ANAPC10: variants seen among roughly 807,000 people sequenced by gnomAD.
The protein encoded by ANAPC10 is anaphase-promoting complex subunit 10.
ANAPC10 carries 12 observed loss-of-function variants against 22.0 expected under a neutral mutation model. That is an observed-to-expected ratio of 0.55 (90% CI 0.35 to 0.88). ANAPC10 has a LOEUF of 0.88. ANAPC10 is among the 40% of genes least tolerant of loss of function. The pLI is 0.01. For synonymous variants in ANAPC10, 65 were observed against 69.5 expected (o/e 0.94, Z 0.32); for missense variants, 188 against 220.9 (o/e 0.85, Z 0.94).
At chr4:145,035,166 C>T (rs1387874210) in intron 4 of ANAPC10, 3 of 152,224 alleles carry the variant, frequency 2.0e-5, no homozygotes, top group African/African-American at 7.2e-5. Flanking sequence ...ACATCTGTCA[C>T]CCCACTAATC....
intron 4 of ANAPC10, among the ~76,000 whole-genome samples, chr4:145,045,656 TATGA>T (rs1721910104): frequency 6.6e-6 from 1 of 152,042 alleles, no homozygotes; most frequent in African/African-American, 2.4e-5. Context: ...CTCTCACATA[TATGA>T]ATGTATACGT....
At chr4:145,041,897 T>C (rs1463972153) in intron 4 of ANAPC10, among the ~76,000 whole-genome samples, 4 of 152,138 alleles carry the variant, frequency 2.6e-5, no homozygotes, top group Non-Finnish European at 5.9e-5. Flanking sequence ...AAACCTGAAA[T>C]TATATCTTTA....
At chr4:145,076,480 T>G (rs781302207) in intron 3 of ANAPC10, among the ~76,000 whole-genome samples, 5 of 152,158 alleles carry the variant, frequency 3.3e-5, no homozygotes, top group Non-Finnish European at 5.9e-5. Flanking sequence ...TAAAGGAACA[T>G]TTTCCCACAC....
intron 4 of ANAPC10, among the ~76,000 whole-genome samples, chr4:145,048,985 A>G (rs1193392984): frequency 6.6e-6 from 1 of 152,244 alleles, no homozygotes; most frequent in African/African-American, 2.4e-5. Flanking sequence ...CCACAGCAAT[A>G]AAGTGAGTAT....
chr4:145,069,076 C>T (rs1471402685), intron 3 of ANAPC10, among the ~76,000 whole-genome samples: 3 of 152,150 alleles, frequency 2.0e-5, no homozygotes, highest in Non-Finnish European at 1.5e-5. Context: ...ACAAGAAAGT[C>T]CGAGACATCT....
intron 2 of ANAPC10, among the ~76,000 whole-genome samples, chr4:145,084,063 T>C (rs1481926358): frequency 6.6e-6 from 1 of 152,082 alleles, no homozygotes; most frequent in Non-Finnish European, 1.5e-5. Flanking sequence ...CATGACCTGC[T>C]GGGTTTATGC....
intron 4 of ANAPC10, among the ~76,000 whole-genome samples, chr4:145,048,535 CAT>C (rs944751096): frequency 1.6e-4 from 24 of 152,196 alleles, no homozygotes; most frequent in Admixed American, 7.2e-4. Context: ...TACTTAATCA[CAT>C]GTGTCGATTT....
intron 4 of ANAPC10, among the ~76,000 whole-genome samples, chr4:145,063,611 TTAATG>T (rs1743229674): frequency 6.6e-6 from 1 of 152,154 alleles, no homozygotes; most frequent in Non-Finnish European, 1.5e-5. Flanking sequence ...TTATTTGGGC[TTAATG>T]ATTTTCTGAC....
intron 4 of ANAPC10, among the ~76,000 whole-genome samples, chr4:145,052,836 C>A (rs146437098): frequency 1.3e-5 from 2 of 148,214 alleles, no homozygotes; most frequent in African/African-American, 5.0e-5. Context: ...TGCAGTGAGC[C>A]GAGATTGCAC....
intron 4 of ANAPC10, among the ~76,000 whole-genome samples, chr4:145,031,970 T>C (rs1737653787): frequency 1.3e-5 from 2 of 152,146 alleles, no homozygotes; most frequent in Non-Finnish European, 2.9e-5. Flanking sequence ...CAAATGGAAG[T>C]GGTATATACG....
intron 3 of ANAPC10, among the ~76,000 whole-genome samples, chr4:145,068,694 A>T (rs971072414): frequency 2.6e-5 from 4 of 152,110 alleles, no homozygotes; most frequent in African/African-American, 9.7e-5. Flanking sequence ...GGCAGATCAC[A>T]AGGCCAAGAG....
chr4:145,077,590 T>C (rs190475409), intron 3 of ANAPC10, among the ~76,000 whole-genome samples: 47 of 152,208 alleles, frequency 3.1e-4, no homozygotes, highest in African/African-American at 9.9e-4. Flanking sequence ...CAGGCCAATA[T>C]TCTTGATGAA....
intron 4 of ANAPC10, among the ~76,000 whole-genome samples, chr4:145,038,073 G>A (rs1189813848): frequency 1.3e-5 from 2 of 152,028 alleles, no homozygotes; most frequent in Non-Finnish European, 2.9e-5. Context: ...GGTGGTTCAC[G>A]CCTGTAATCT....
intron 2 of ANAPC10, among the ~76,000 whole-genome samples, chr4:145,082,947 G>A (rs1475182709): frequency 2.0e-5 from 3 of 152,074 alleles, no homozygotes; most frequent in East Asian, 1.9e-4. Flanking sequence ...TCCAAATATA[G>A]TTAATGTTTT....
intron 2 of ANAPC10, among the ~76,000 whole-genome samples, chr4:145,082,330 G>A (rs1746180028): frequency 6.6e-6 from 1 of 151,984 alleles, no homozygotes; most frequent in South Asian, 2.1e-4. Flanking sequence ...CATATTTTTA[G>A]TAGAGAAGGC....
rs62343154 is a variant in ANAPC10 at position 145,066,497 on chromosome 4, G to A, written c.207-1805C>T. Among the ~76,000 whole-genome samples, 9 of 151,594 alleles carry A rather than the reference G, an allele frequency of 5.9e-5. No homozygotes were observed. The East Asian group carries it at 1.7e-3, about 29-fold the overall frequency. On this transcript the variant is annotated intron_variant, in intron 3 of 4. Transcript: ENST00000507656. ...CTCTTAAGAACTTTTTTTTTTTAAG[G>A]AAGAAAAGAAAGGCAGATCTAAAGG...
intron 4 of ANAPC10, among the ~76,000 whole-genome samples, chr4:145,039,116 TAC>T (rs543556257): frequency 3.9e-4 from 56 of 141,906 alleles, no homozygotes; most frequent in African/African-American, 1.4e-3. Context: ...CATCACTTTC[TAC>T]AGAGAAAAAT....
At chr4:144,999,914 C>G (rs1393512751) in intron 4 of ANAPC10, among the ~76,000 whole-genome samples, 1 of 152,192 alleles carries the variant, frequency 6.6e-6, no homozygotes, top group African/African-American at 2.4e-5. Flanking sequence ...CTACAACCAT[C>G]TCATCTTTGA....
intron 2 of ANAPC10, among the ~76,000 whole-genome samples, chr4:145,089,323 A>G (rs988286907): frequency 6.6e-6 from 1 of 152,290 alleles, no homozygotes; most frequent in East Asian, 1.9e-4. Flanking sequence ...AAAAACAGGG[A>G]ACAAATAGCA....
Sources: gnomAD v4.1 joint callset for allele counts (sites outside exome capture counted in the v4.1 genomes callset) on GRCh38, gnomAD v4.1.1 for gene constraint, MANE v1.5 for transcripts, NCBI Gene and HGNC (gene_info 2026-07-23, HGNC 2026-07-21) for gene names.